GTF2H1: variants seen among roughly 807,000 people sequenced by gnomAD.
The protein encoded by GTF2H1 is general transcription factor IIH subunit 1.
A neutral mutation model predicts 71.2 loss-of-function variants in GTF2H1; 16 were observed. The ratio of observed to expected loss-of-function variants is 0.22; its 90% CI spans 0.15 to 0.34. The LOEUF (loss-of-function observed/expected upper bound fraction) is 0.34, where lower values mean the gene tolerates loss of function less well. Among genes scored for constraint, GTF2H1 ranks in the 10% least tolerant of loss-of-function variants. GTF2H1 has a pLI of 1.00. For missense variants in GTF2H1, 498 were observed against 648.2 expected (o/e 0.77, Z 2.52); for synonymous variants, 215 against 219.0 (o/e 0.98, Z 0.16).
In GTF2H1 at chr11:18,352,625, A is replaced by T. The variant is rs1237004889; in HGVS notation, c.1260+179A>T. Among the ~76,000 whole-genome samples, 2 of 152,252 alleles carry T rather than the reference A, an allele frequency of 1.3e-5. 1 individual carries two copies. Among genetic ancestry groups the T allele is most frequent in the African/African-American group, 4.8e-5 (2 of 41,470 alleles). On this transcript the variant is annotated intron_variant, in intron 11 of 14. Transcript: ENST00000265963. ...AAGGTGTTTGGCATATTCAAGAGGC[A>T]TCTGAAGATAAGATGATAATGAAAA... is the stretch of plus-strand genomic sequence containing the variant.
intron 14 of GTF2H1, among the ~76,000 whole-genome samples, chr11:18,363,011 G>T (rs1365312016): frequency 6.7e-6 from 1 of 150,232 alleles, no homozygotes. Context: ...TTAAACTTTT[G>T]TTAAAAACTA....
At chr11:18,353,761 G>A (rs1048888155) in intron 11 of GTF2H1, among the ~76,000 whole-genome samples, 2 of 152,128 alleles carry the variant, frequency 1.3e-5, no homozygotes, top group African/African-American at 4.8e-5. Context: ...TACAGAAAGT[G>A]ACAGAAAAAT....
chr11:18,352,963 C>T (rs556020013), intron 11 of GTF2H1, among the ~76,000 whole-genome samples: 1 of 152,342 alleles, frequency 6.6e-6, no homozygotes, highest in African/African-American at 2.4e-5. Context: ...CAGTGGCTCA[C>T]GCCTGTAATC....
intron 13 of GTF2H1, among the ~76,000 whole-genome samples, chr11:18,359,312 G>A (rs559947555): frequency 1.2e-4 from 19 of 152,226 alleles, no homozygotes; most frequent in East Asian, 3.9e-4. Flanking sequence ...GGGCTGAGGC[G>A]GGAGAATTGT....
intron 13 of GTF2H1, 55 bp downstream of exon 13, chr11:18,358,695 T>G (rs931533908): frequency 8.9e-7 from 1 of 1,124,704 alleles, no homozygotes; most frequent in Non-Finnish European, 1.4e-6. Flanking sequence ...TTACAAGAAG[T>G]TTTGAAATTG....
chr11:18,352,717 T>A (rs1473236465), intron 11 of GTF2H1, among the ~76,000 whole-genome samples: 1 of 152,240 alleles, frequency 6.6e-6, no homozygotes, highest in African/African-American at 2.4e-5. Context: ...CTCCCAGGTT[T>A]CCAAATTCTG....
intron 3 of GTF2H1, among the ~76,000 whole-genome samples, chr11:18,337,029 G>C (rs540396050): frequency 1.3e-5 from 2 of 152,148 alleles, no homozygotes; most frequent in Non-Finnish European, 2.9e-5. Flanking sequence ...GGGATAACAG[G>C]TGTGAACCGC....
rs531309288 is a variant in GTF2H1 at position 18,365,950 on chromosome 11, A to T, written c.*81A>T. On this transcript the variant is annotated 3_prime_UTR_variant, in exon 15 of 15. Coordinates refer to ENST00000265963, the MANE Select transcript of GTF2H1 (RefSeq NM_005316.4). ...ACTCTGGAAACCTGGCCTGACAGAC[A>T]AGCAGATGACCTCACAGGAGTGATA... 38 of 887,050 alleles carry T rather than the reference A, an allele frequency of 4.3e-5. No individual in the cohort carries two copies. The African/African-American group carries it at 4.9e-4, about 11-fold the overall frequency. 54.9% of individuals were successfully genotyped at this position (887,050 alleles called of 1,614,324 possible).
At chr11:18,361,704 A>G (rs1865704469) in intron 14 of GTF2H1, among the ~76,000 whole-genome samples, 1 of 152,202 alleles carries the variant, frequency 6.6e-6, no homozygotes. Context: ...GTTCTGAAAA[A>G]TACATATTAC....
rs1314976879 is a variant in GTF2H1 at position 18,347,684 on chromosome 11, G to A, written c.934G>A (p.Ala312Thr). The A allele has an allele frequency of 1.9e-6, 3 of 1,613,824 alleles. No individual in the cohort carries two copies. Among genetic ancestry groups the A allele is most frequent in the African/African-American group, 1.3e-5 (1 of 75,036 alleles). ...CATCAAGAGATTTAACCATCACAGT[G>A]CCATGGTCCTGGCAGCTGGACTCAG... is the stretch of plus-strand genomic sequence containing the variant. ...AIIKRFNHHS[A>T]MVLAAGLRKQ... The change falls in exon 8 of 15, where the codon GCC (alanine) becomes ACC (threonine). Residue 312 changes from alanine (A) to threonine (T), a missense_variant. Ala to Thr is a moderately conservative substitution (Grantham distance 58). This residue lies in a region of GTF2H1 where 266 missense variants were observed against 301.6 expected (regional missense o/e 0.88). Coordinates refer to ENST00000265963, the MANE Select transcript of GTF2H1 (RefSeq NM_005316.4).
At chr11:18,360,512 AAATT>A in intron 13 of GTF2H1, 99 bp from the exon 14 acceptor site, 1 of 575,182 alleles carries the variant, frequency 1.7e-6, no homozygotes. Flanking sequence ...ACATTTAAAA[AAATT>A]CTACAAGAAA....
chr11:18,324,573 CT>C (rs912291988), intron 1 of GTF2H1, among the ~76,000 whole-genome samples: 3 of 152,156 alleles, frequency 2.0e-5, no homozygotes, highest in Non-Finnish European at 4.4e-5. Flanking sequence ...ATTTTATTCC[CT>C]ACCATCAGAA....
Position 18,365,856 on chromosome 11 carries a change from TGAA to T in GTF2H1, c.1638_1640del (p.Lys547del), listed in dbSNP as rs1308096667. The T allele has an allele frequency of 6.2e-7, 1 of 1,612,560 alleles. No homozygotes were observed. Among genetic ancestry groups the T allele is most frequent in the East Asian group, 2.2e-5 (1 of 44,874 alleles). ...CACACATGGCAGTCACGGCGTCTGA[TGAA>T]GAAAACGTGAGGTGGCCATGATGCT... is the stretch of plus-strand genomic sequence containing the variant. On this transcript the variant is annotated inframe_deletion, in exon 15 of 15. Coordinates refer to ENST00000265963, the MANE Select transcript of GTF2H1 (RefSeq NM_005316.4).
intron 7 of GTF2H1, among the ~76,000 whole-genome samples, chr11:18,345,796 G>GTTTTTTTTT (rs1554955087): frequency 4.0e-5 from 5 of 125,210 alleles, no homozygotes; most frequent in Non-Finnish European, 6.6e-5. Flanking sequence ...GCACATATGA[G>GTTTTTTTTT]TTTTTTTTTT....
At chr11:18,325,207 G>A (rs928912456) in intron 1 of GTF2H1, among the ~76,000 whole-genome samples, 14 of 152,306 alleles carry the variant, frequency 9.2e-5, no homozygotes, top group African/African-American at 3.1e-4. Flanking sequence ...AGGGGATGTA[G>A]GTAATGGAAA....
intron 2 of GTF2H1, chr11:18,333,436 T>TACGGCGA: frequency 1.0e-5 from 4 of 392,400 alleles, no homozygotes; most frequent in Non-Finnish European, 1.8e-5. Context: ...AATATGTAAA[T>TACGGCGA]CTACCTGACA....
chr11:18,330,622 T>C (rs1361777237), intron 1 of GTF2H1, among the ~76,000 whole-genome samples: 2 of 152,226 alleles, frequency 1.3e-5, no homozygotes, highest in African/African-American at 4.8e-5. Context: ...GAAGAAAGGC[T>C]GACTTGTAGC....
In GTF2H1 at chr11:18,338,089, C is replaced by G; in HGVS notation, c.348-20C>G. ...TTTATTCTAGAAGTTCAGTTATATT[C>G]AGTATATTCTGCTTTACAGAATGCT... On this transcript the variant is annotated intron_variant, in intron 3 of 14. Coordinates refer to ENST00000265963, the MANE Select transcript of GTF2H1 (RefSeq NM_005316.4). 1 of 1,563,620 alleles carries G rather than the reference C, an allele frequency of 6.4e-7. No homozygotes were observed.
At chr11:18,360,814 T>C (rs978699715) in intron 14 of GTF2H1, 107 bp downstream of exon 14, 8 of 666,014 alleles carry the variant, frequency 1.2e-5, no homozygotes, top group Non-Finnish European at 2.1e-5. Context: ...TTTCTTTTTT[T>C]TTTTTTTTTG....
Sources: gnomAD v4.1 joint callset for allele counts (sites outside exome capture counted in the v4.1 genomes callset) on GRCh38, gnomAD v4.1.1 for gene constraint, gnomAD v4.1.1 regional missense constraint, MANE v1.5 for transcripts, NCBI Gene and HGNC (gene_info 2026-07-23, HGNC 2026-07-21) for gene names.